Variants in RNF111 observed in about 807,000 individuals in gnomAD.
RNF111 encodes ring finger protein 111, also known as E3 ubiquitin-protein ligase Arkadia.
Under a neutral mutation model 95.1 loss-of-function variants are expected in RNF111, and 17 were observed. The observed-to-expected ratio is 0.18, with a 90% CI of 0.12 to 0.27. RNF111 has a LOEUF of 0.27. RNF111 is among the 10% of genes least tolerant of loss of function. The pLI, the probability that RNF111 is intolerant of heterozygous loss-of-function variation, is 1.00. For synonymous variants in RNF111, 440 were observed against 414.8 expected (o/e 1.06, Z -0.74); for missense variants, 1,189 against 1,210.4 (o/e 0.98, Z 0.26).
At position 59,096,817 on chromosome 15, in the gene RNF111, G is replaced by C. The variant is rs887216275; in HGVS notation, c.*1917G>C. On this transcript the variant is annotated 3_prime_UTR_variant, in exon 14 of 14. Coordinates refer to ENST00000348370, the MANE Select transcript of RNF111 (RefSeq NM_017610.8). ...TACTACTTTGCCACTGGAATACCCC[G>C]GGTCTGTGCCAAGGGACTGAAGAAG... is the stretch of plus-strand genomic sequence containing the variant. The C allele has an allele frequency of 6.6e-6, 1 of 152,166 alleles. No individual in the cohort carries two copies. Among genetic ancestry groups the C allele is most frequent in the Non-Finnish European group, 1.5e-5 (1 of 68,030 alleles). The allele number at this position is 152,166 out of a possible 1,614,324, so 9.4% of individuals were successfully genotyped here.
chr15:59,040,493 CTTTAA>C (rs756972220), intron 2 of RNF111, among the ~76,000 whole-genome samples: 2 of 152,056 alleles, frequency 1.3e-5, no homozygotes, highest in African/African-American at 2.4e-5. Context: ...AAAAATAAAT[CTTTAA>C]TTTAAGTGAA....
chr15:58,992,162 A>T (rs367940632), intron 1 of RNF111, among the ~76,000 whole-genome samples: 1 of 152,128 alleles, frequency 6.6e-6, no homozygotes, highest in African/African-American at 2.4e-5. Flanking sequence ...CTTCTGCGTC[A>T]GTCTCCTGAG....
intron 1 of RNF111, among the ~76,000 whole-genome samples, chr15:58,996,409 C>A (rs1349395160): frequency 6.6e-6 from 1 of 151,314 alleles, no homozygotes; most frequent in East Asian, 1.9e-4. Flanking sequence ...CCTGTCTCAA[C>A]TGAAAAATGC....
rs371796714 is a variant in RNF111 at position 58,996,315 on chromosome 15, A to G, written c.-20+8247A>G. 4.6e-5 allele frequency among the ~76,000 whole-genome samples: 7 copies of G among 152,254 alleles called. No individual in the cohort carries two copies. In the East Asian group the frequency reaches 1.2e-3, roughly 25 times the overall value. The stretch of plus-strand genomic sequence containing the variant: ...GGGCTGGGTGCGGTAGCTCATACCT[A>G]TAATCCCAGCACTTCGGGAGGCCGA... On this transcript the variant is annotated intron_variant, in intron 1 of 13. Transcript: ENST00000348370.
intron 11 of RNF111, among the ~76,000 whole-genome samples, chr15:59,090,676 ATTG>A (rs2079028491): frequency 1.3e-5 from 2 of 152,194 alleles, no homozygotes; most frequent in South Asian, 4.1e-4. Context: ...ATGTGATAAT[ATTG>A]TTGTAATTTA....
chr15:59,091,192 G>A (rs1429081191), intron 12 of RNF111, 38 bp downstream of exon 12: 1 of 1,216,454 alleles, frequency 8.2e-7, no homozygotes, highest in African/African-American at 1.5e-5. Flanking sequence ...GAGTGTTACT[G>A]AAAGGCATAA....
At chr15:59,017,442 TG>T (rs2040121544) in intron 1 of RNF111, among the ~76,000 whole-genome samples, 1 of 152,224 alleles carries the variant, frequency 6.6e-6, no homozygotes, top group African/African-American at 2.4e-5. Flanking sequence ...TACATTTACC[TG>T]TTACAGATTG....
intron 2 of RNF111, among the ~76,000 whole-genome samples, chr15:59,035,332 C>T (rs947726960): frequency 2.6e-5 from 4 of 152,178 alleles, no homozygotes; most frequent in African/African-American, 9.7e-5. Flanking sequence ...GCCTTCCCAA[C>T]AGTCCCCCAA....
intron 1 of RNF111, among the ~76,000 whole-genome samples, chr15:59,012,606 A>T (rs1169480499): frequency 6.6e-6 from 1 of 152,198 alleles, no homozygotes; most frequent in South Asian, 2.1e-4. Context: ...TGGATGTTTT[A>T]ATAGAAAAAT....
intron 2 of RNF111, among the ~76,000 whole-genome samples, chr15:59,034,863 G>A (rs2041094952): frequency 6.6e-6 from 1 of 152,186 alleles, no homozygotes; most frequent in Admixed American, 6.5e-5. Flanking sequence ...TGGATGAATG[G>A]ATATTAGTTA....
intron 10 of RNF111, among the ~76,000 whole-genome samples, chr15:59,088,589 A>G (rs2078962292): frequency 6.6e-6 from 1 of 152,206 alleles, no homozygotes; most frequent in Non-Finnish European, 1.5e-5. Flanking sequence ...ATTTATTTAT[A>G]AAGATGGAAG....
chr15:59,060,828 G>T (rs1238477138), intron 5 of RNF111, among the ~76,000 whole-genome samples: 1 of 149,852 alleles, frequency 6.7e-6, no homozygotes, highest in Non-Finnish European at 1.5e-5. Flanking sequence ...TGTGAGACAG[G>T]TCTGACTCTG....
chr15:59,088,859 A>G (rs2078971170), intron 10 of RNF111, among the ~76,000 whole-genome samples: 1 of 152,192 alleles, frequency 6.6e-6, no homozygotes, highest in Non-Finnish European at 1.5e-5. Context: ...TTCTCTCCAT[A>G]AGGTGTATGA....
chr15:59,030,501 G>T (rs535154710), intron 1 of RNF111, among the ~76,000 whole-genome samples: 1 of 152,160 alleles, frequency 6.6e-6, no homozygotes, highest in Non-Finnish European at 1.5e-5. Flanking sequence ...GACCAAATAT[G>T]TTTTGTTGCT....
At chr15:58,996,649 CTTTTTTTTTTTTTTTT>C (rs60350601) in intron 1 of RNF111, among the ~76,000 whole-genome samples, 7 of 100,808 alleles carry the variant, frequency 6.9e-5, no homozygotes, top group African/African-American at 1.6e-4. Context: ...TCAGTACTTT[CTTTTTTTTTTTTTTTT>C]TTTTTTTTTT....
At chr15:59,074,622 G>T (rs889157433) in intron 6 of RNF111, among the ~76,000 whole-genome samples, 6 of 152,230 alleles carry the variant, frequency 3.9e-5, no homozygotes, top group African/African-American at 1.4e-4. Flanking sequence ...TGGCTTAAGA[G>T]AATATTGTAG....
chr15:59,060,801 A>ATTT (rs1231042655), intron 5 of RNF111, among the ~76,000 whole-genome samples: 33 of 147,828 alleles, frequency 2.2e-4, no homozygotes, highest in African/African-American at 7.6e-4. Context: ...TATTATTATT[A>ATTT]TTATTATTTT....
rs1370989185 is a variant in RNF111, at chr15:59,081,090, A to G, written c.2103A>G (p.Thr701=). The G allele has an allele frequency of 1.9e-6, 3 of 1,614,016 alleles. No homozygotes were observed. Among genetic ancestry groups the G allele is most frequent in the South Asian group, 1.1e-5 (1 of 91,072 alleles). The stretch of plus-strand genomic sequence containing the variant: ...ATTCTCAAATATCTTCTCATGCAAC[A>G]TCTCATCCTGTGGCACCCCCACCAC... ...AFHSQISSHA[T]SHPVAPPPPT... The change falls in exon 8 of 14, where the codon ACA becomes ACG. Residue 701 remains threonine, a synonymous_variant. Transcript: ENST00000348370.
intron 1 of RNF111, among the ~76,000 whole-genome samples, chr15:58,991,351 C>T (rs758563011): frequency 1.1e-4 from 16 of 152,174 alleles, no homozygotes; most frequent in Non-Finnish European, 2.2e-4. Context: ...TTTTAAAGAG[C>T]GGTACTGCAT....
Sources: allele counts gnomAD v4.1 joint callset (sites outside exome capture counted in the v4.1 genomes callset), GRCh38; gene constraint gnomAD v4.1.1; transcripts MANE v1.5; gene names NCBI Gene and HGNC (gene_info 2026-07-23, HGNC 2026-07-21).